The following PPIL6 variants were observed in gnomAD, a reference collection of about 807,000 sequenced individuals.
PPIL6 encodes the protein peptidylprolyl isomerase like 6, also known as probable inactive peptidyl-prolyl cis-trans isomerase-like 6.
Under a neutral mutation model 36.8 loss-of-function variants are expected in PPIL6, and 39 were observed. The ratio of observed to expected loss-of-function variants is 1.06; its 90% CI spans 0.82 to 1.38. The LOEUF (loss-of-function observed/expected upper bound fraction) is 1.38. PPIL6 is among the 40% of genes most tolerant of loss of function. The pLI, the probability that PPIL6 is intolerant of heterozygous loss-of-function variation, is 0.00. For missense variants in PPIL6, 368 were observed against 379.1 expected, an observed-to-expected ratio of 0.97 and a Z score of 0.24; for synonymous variants, 123 against 134.1, an observed-to-expected ratio of 0.92 and a Z score of 0.57.
At chr6:109,437,815 C>T (rs991291312) in intron 1 of PPIL6, among the ~76,000 whole-genome samples, 1 of 152,192 alleles carries the variant, frequency 6.6e-6, no homozygotes, top group African/African-American at 2.4e-5. Flanking sequence ...GGCGATCTGC[C>T]TGCCTCAGCC....
At chr6:109,412,901 T>C (rs907728884) in intron 6 of PPIL6, among the ~76,000 whole-genome samples, 2 of 152,186 alleles carry the variant, frequency 1.3e-5, no homozygotes, top group African/African-American at 4.8e-5. Flanking sequence ...AGCTCACACC[T>C]GTAATTCCAG....
intron 1 of PPIL6, among the ~76,000 whole-genome samples, chr6:109,439,746 T>C (rs1318767992): frequency 1.3e-5 from 2 of 152,202 alleles, no homozygotes; most frequent in African/African-American, 4.8e-5. Context: ...GGCGAGAAGT[T>C]TGCCATGGAC....
At chr6:109,402,318 T>C (rs997163708) in intron 6 of PPIL6, among the ~76,000 whole-genome samples, 9 of 152,044 alleles carry the variant, frequency 5.9e-5, no homozygotes, top group Non-Finnish European at 8.8e-5. Flanking sequence ...GGTGGGTCGC[T>C]TGAGGCCAGG....
At chr6:109,420,269 GT>G (rs1281505076) in intron 5 of PPIL6, among the ~76,000 whole-genome samples, 3 of 139,930 alleles carry the variant, frequency 2.1e-5, no homozygotes, top group African/African-American at 8.1e-5. Context: ...GGAGGCAGAG[GT>G]TGCAGCGAGC....
upstream of PPIL6, chr6:109,440,935 C>G (rs1774837124): frequency 1.7e-6 from 1 of 604,274 alleles, no homozygotes; most frequent in South Asian, 2.1e-5. Context: ...TTGGGAACAG[C>G]CGGCCGGTTG....
intron 6 of PPIL6, among the ~76,000 whole-genome samples, chr6:109,411,047 A>T (rs1772993230): frequency 6.6e-6 from 1 of 152,004 alleles, no homozygotes; most frequent in Non-Finnish European, 1.5e-5. Context: ...ACTGCTCCCA[A>T]CTCCCTAGGA....
At position 109,395,406 on chromosome 6, in the gene PPIL6, CA is replaced by C. The variant is rs1210744047; in HGVS notation, c.825-2470del. 2.8e-3 allele frequency among the ~76,000 whole-genome samples: 356 copies of C among 128,816 alleles called. 6 individuals are homozygous for C. The South Asian group carries it at 0.056, about 20-fold the overall frequency. 84.5% of individuals were successfully genotyped at this position (128,816 alleles called of 152,430 possible). On this transcript the variant is annotated intron_variant, in intron 7 of 7. Coordinates refer to ENST00000521072, the MANE Select transcript of PPIL6 (RefSeq NM_173672.5). The stretch of plus-strand genomic sequence containing the variant: ...TGGGTGACAGAGTGAGACCCTGTCT[CA>C]AAAAAAAAAAACCCTTAATTAGAAT...
In PPIL6 at chr6:109,390,707, C is replaced by T. The variant is rs1360588707; in HGVS notation, c.*2119G>A. 6.6e-6 allele frequency: 1 copy of T among 152,130 alleles called. No individual in the cohort carries two copies. Among genetic ancestry groups the T allele is most frequent in the African/African-American group, 2.4e-5 (1 of 41,424 alleles). 9.4% of individuals were successfully genotyped at this position (152,130 alleles called of 1,614,324 possible). On this transcript the variant is annotated 3_prime_UTR_variant, in exon 8 of 8. Coordinates refer to ENST00000521072, the MANE Select transcript of PPIL6 (RefSeq NM_173672.5). Reference sequence around the variant, plus strand: ...CTATAGTGTTGGTTACATGAATATACTCATGATAAAATGGCATCACACACA... The same window carrying T: ...CTATAGTGTTGGTTACATGAATATATTCATGATAAAATGGCATCACACACA...
intron 6 of PPIL6, among the ~76,000 whole-genome samples, chr6:109,409,362 G>A (rs1772921769): frequency 6.6e-6 from 1 of 152,140 alleles, no homozygotes; most frequent in African/African-American, 2.4e-5. Context: ...AGGAGTTCCA[G>A]ACAAGCCTGG....
intron 6 of PPIL6, among the ~76,000 whole-genome samples, chr6:109,406,462 G>A (rs1772803430): frequency 6.6e-6 from 1 of 152,126 alleles, no homozygotes; most frequent in African/African-American, 2.4e-5. Context: ...ATATTCTTTG[G>A]TAGTGTGTTC....
chr6:109,390,376 A>C lies in PPIL6; in HGVS notation c.*2450T>G, dbSNP rs888795969. The C allele has an allele frequency of 7.9e-5, 12 of 152,218 alleles. No individual in the cohort carries two copies. Among genetic ancestry groups the C allele is most frequent in the African/African-American group, 2.9e-4 (12 of 41,448 alleles). 9.4% of individuals were successfully genotyped at this position (152,218 alleles called of 1,614,324 possible). A position where few individuals can be genotyped will look rare whatever the true frequency, so the allele number is the denominator to read the frequency against. On this transcript the variant is annotated 3_prime_UTR_variant, in exon 8 of 8. Coordinates refer to ENST00000521072, the MANE Select transcript of PPIL6 (RefSeq NM_173672.5). Reference sequence around the variant, plus strand: ...CTCAGATGAAGGAATTGAGGCACAGAAAAGTTCTTGCCTGAGTTTGTGCAG... The same window carrying C: ...CTCAGATGAAGGAATTGAGGCACAGCAAAGTTCTTGCCTGAGTTTGTGCAG...
Position 109,427,086 on chromosome 6 carries a change from A to G in PPIL6, c.483+8T>C, listed in dbSNP as rs1204333426. On this transcript the variant is annotated splice_region_variant and intron_variant, in intron 4 of 7. Transcript: ENST00000521072. ...CCCCACAAACTTACATATAAAAAAA[A>G]GTATCACCTCAAAAATCAATCTTCC... The G allele has an allele frequency of 1.2e-6, 2 of 1,606,354 alleles. No homozygotes were observed. Among genetic ancestry groups the G allele is most frequent in the East Asian group, 4.5e-5 (2 of 44,750 alleles).
chr6:109,395,294 C>T (rs1258211170), intron 7 of PPIL6, among the ~76,000 whole-genome samples: 2 of 151,904 alleles, frequency 1.3e-5, no homozygotes, highest in Non-Finnish European at 2.9e-5. Context: ...ATAATCCCAG[C>T]TACTTGGGTG....
chr6:109,411,405 T>C (rs191221545), intron 6 of PPIL6, among the ~76,000 whole-genome samples: 1 of 152,328 alleles, frequency 6.6e-6, no homozygotes, highest in East Asian at 1.9e-4. Flanking sequence ...CATTGGATTA[T>C]TTACTAGCTG....
intron 6 of PPIL6, among the ~76,000 whole-genome samples, chr6:109,411,345 T>G (rs1383151274): frequency 6.6e-6 from 1 of 152,208 alleles, no homozygotes; most frequent in Admixed American, 6.5e-5. Flanking sequence ...TAAAGGGAAT[T>G]CAAGAGTCCT....
intron 7 of PPIL6, among the ~76,000 whole-genome samples, chr6:109,396,715 G>A (rs954700680): frequency 6.6e-6 from 1 of 151,694 alleles, no homozygotes; most frequent in African/African-American, 2.4e-5. Context: ...ATGGGTGCAC[G>A]TGAATGGAGA....
chr6:109,415,840 T>C (rs577460607), intron 6 of PPIL6, among the ~76,000 whole-genome samples: 2 of 152,296 alleles, frequency 1.3e-5, no homozygotes, highest in East Asian at 1.9e-4. Context: ...CATGTTGTGT[T>C]TGGGGACTAG....
intron 6 of PPIL6, 123 bp from the exon 7 acceptor site, chr6:109,400,293 AT>A (rs1336594011): frequency 1.4e-6 from 1 of 736,290 alleles, no homozygotes; most frequent in Non-Finnish European, 2.1e-6. Flanking sequence ...TGGATTCCAA[AT>A]TGTAAATATT....
chr6:109,405,515 A>G (rs1772763186), intron 6 of PPIL6, among the ~76,000 whole-genome samples: 1 of 152,200 alleles, frequency 6.6e-6, no homozygotes, highest in African/African-American at 2.4e-5. Context: ...ACAGTCCAGC[A>G]TGTTGCTCTG....
Sources: gnomAD v4.1 joint callset for allele counts (sites outside exome capture counted in the v4.1 genomes callset) on GRCh38, gnomAD v4.1.1 for gene constraint, MANE v1.5 for transcripts, NCBI Gene and HGNC (gene_info 2026-07-23, HGNC 2026-07-21) for gene names.